GRIK4: variants seen among roughly 807,000 people sequenced by gnomAD.
GRIK4 encodes the protein glutamate receptor ionotropic, kainate 4.
In GRIK4, 40 loss-of-function variants were observed where a neutral mutation model predicts 104.9. That is an observed-to-expected ratio of 0.38 (90% confidence interval 0.30 to 0.50). The LOEUF is 0.50. Ranked by LOEUF, GRIK4 falls within the 20% of genes least tolerant of loss-of-function variation. GRIK4 has a pLI of 0.93. For synonymous variants in GRIK4, 485 were observed against 524.9 expected (o/e 0.92, Z 1.04); for missense variants, 1,047 against 1,308.1 (o/e 0.80, Z 3.08).
chr11:120,917,138 T>TCAG (rs1175405958), intron 13 of GRIK4, among the ~76,000 whole-genome samples: 1 of 148,804 alleles, frequency 6.7e-6, no homozygotes, highest in Admixed American at 6.7e-5. Context: ...TCCCAGCTAC[T>TCAG]CAGGAGGCTG....
chr11:120,568,817 T>C (rs915037468), intron 1 of GRIK4, among the ~76,000 whole-genome samples: 2 of 152,126 alleles, frequency 1.3e-5, no homozygotes, highest in African/African-American at 4.8e-5. Context: ...AATTAACGTG[T>C]CCCTTTTCCC....
At position 120,815,230 on chromosome 11, in the gene GRIK4, T is replaced by C. The variant is rs557064380; in HGVS notation, c.248-148T>C. 4.1e-5 allele frequency: 24 copies of C among 584,184 alleles called. No homozygotes were observed. In the East Asian group the frequency reaches 7.7e-4, roughly 19 times the overall value. 36.2% of individuals were successfully genotyped at this position (584,184 alleles called of 1,614,324 possible). ...TCGTCCAGGGGAGAAGGAGAGACTCTGGGTTTCGAAGGGTTGGAGCAGGGG... is the reference window on the plus strand; with the variant it reads ...TCGTCCAGGGGAGAAGGAGAGACTCCGGGTTTCGAAGGGTTGGAGCAGGGG... On this transcript the variant is annotated intron_variant, in intron 4 of 20. Transcript: ENST00000527524.
chr11:120,945,775 C>T (rs1032751169), intron 14 of GRIK4, among the ~76,000 whole-genome samples: 1 of 152,230 alleles, frequency 6.6e-6, no homozygotes, highest in Admixed American at 6.5e-5. Context: ...GCCTCCTGAA[C>T]TCACTGCTCT....
intron 1 of GRIK4, among the ~76,000 whole-genome samples, chr11:120,540,723 G>A (rs1948024964): frequency 6.6e-6 from 1 of 152,198 alleles, no homozygotes; most frequent in Middle Eastern, 3.2e-3. Flanking sequence ...GAAGCTTCCT[G>A]AGTTATATGC....
In GRIK4 at chr11:120,524,161, A is replaced by C. The variant is rs1314903305; in HGVS notation, c.-159+12274A>C. On this transcript the variant is annotated intron_variant, in intron 1 of 20. Transcript: ENST00000527524. This position sits in a 1 kb window ranked among gnomAD's most constrained non-coding sequence, Gnocchi z 4.5. ...AGGATGGTCTCGATCTCCTGACCTC[A>C]TGATCCACCAGCCTTGACCTCCCAA... Among the ~76,000 whole-genome samples, 1 of 152,154 alleles carries C rather than the reference A, an allele frequency of 6.6e-6. No homozygotes were observed. Among genetic ancestry groups the C allele is most frequent in the African/African-American group, 2.4e-5 (1 of 41,438 alleles).
At chr11:120,660,594 C>G (rs1375163196) in intron 3 of GRIK4, among the ~76,000 whole-genome samples, 194 bp downstream of exon 3, 1 of 152,230 alleles carries the variant, frequency 6.6e-6, no homozygotes, top group Non-Finnish European at 1.5e-5. Flanking sequence ...TCTGGTCAAC[C>G]TGCTGAGCTC....
At chr11:120,644,598 C>T (rs910217777) in intron 1 of GRIK4, among the ~76,000 whole-genome samples, 9 of 152,142 alleles carry the variant, frequency 5.9e-5, no homozygotes, top group African/African-American at 9.7e-5. Context: ...TGCCTCTTTC[C>T]GTGGCCTGAT....
intron 7 of GRIK4, among the ~76,000 whole-genome samples, chr11:120,834,685 T>C (rs1372653535): frequency 6.6e-6 from 1 of 152,182 alleles, no homozygotes; most frequent in Non-Finnish European, 1.5e-5. Flanking sequence ...CCCCTAGAGC[T>C]TGGCAACACT....
At chr11:120,968,430 C>T (rs187271223) in intron 19 of GRIK4, among the ~76,000 whole-genome samples, 169 of 152,220 alleles carry the variant, frequency 1.1e-3, no homozygotes, top group African/African-American at 3.6e-3. Flanking sequence ...ACGCTCTGCC[C>T]GAGGAAGACA....
intron 18 of GRIK4, among the ~76,000 whole-genome samples, chr11:120,965,936 A>G (rs1248140131): frequency 6.6e-6 from 1 of 152,156 alleles, no homozygotes; most frequent in Non-Finnish European, 1.5e-5. Context: ...GTCCACATCC[A>G]GCCTTCATGG....
At chr11:120,904,231 T>C (rs1942814631) in intron 12 of GRIK4, among the ~76,000 whole-genome samples, 1 of 152,166 alleles carries the variant, frequency 6.6e-6, no homozygotes, top group African/African-American at 2.4e-5. Flanking sequence ...AGTGGGTCAC[T>C]TCTGCCTGCG....
intron 3 of GRIK4, among the ~76,000 whole-genome samples, chr11:120,730,063 G>T (rs1182089124): frequency 6.6e-6 from 1 of 152,120 alleles, no homozygotes; most frequent in Non-Finnish European, 1.5e-5. Flanking sequence ...TGTTGAAAAT[G>T]AGTTCACTAG....
chr11:120,817,210 G>A (rs1295099885), intron 5 of GRIK4, among the ~76,000 whole-genome samples: 1 of 151,262 alleles, frequency 6.6e-6, no homozygotes, highest in African/African-American at 2.4e-5. Flanking sequence ...ACTCCAATAT[G>A]GCCTCCTTTT....
At chr11:120,515,909 G>C (rs538840785) in intron 1 of GRIK4, among the ~76,000 whole-genome samples, 47 of 152,292 alleles carry the variant, frequency 3.1e-4, no homozygotes, top group African/African-American at 1.1e-3. Flanking sequence ...AGTCAGTCCA[G>C]CTACCCGGCG....
chr11:120,556,668 C>T (rs1204920056), intron 1 of GRIK4, among the ~76,000 whole-genome samples: 1 of 152,150 alleles, frequency 6.6e-6, no homozygotes, highest in Non-Finnish European at 1.5e-5. Context: ...TGGGAATGGG[C>T]TTAACCCGTC....
At chr11:120,590,510 G>A (rs1291012554) in intron 1 of GRIK4, among the ~76,000 whole-genome samples, 1 of 152,250 alleles carries the variant, frequency 6.6e-6, no homozygotes, top group African/African-American at 2.4e-5. Flanking sequence ...CCGGCTGCTG[G>A]CGTAGCATTG....
intron 8 of GRIK4, among the ~76,000 whole-genome samples, chr11:120,843,422 G>C (rs1037192674): frequency 6.6e-6 from 1 of 152,234 alleles, no homozygotes; most frequent in Non-Finnish European, 1.5e-5. Flanking sequence ...TCAGCAGGAG[G>C]CCTCATTATT....
chr11:120,574,387 GAC>G (rs1368813487), intron 1 of GRIK4, among the ~76,000 whole-genome samples: 1 of 152,218 alleles, frequency 6.6e-6, no homozygotes, highest in Non-Finnish European at 1.5e-5. Flanking sequence ...AGGCTGTGGT[GAC>G]ACCTTACGTA....
chr11:120,673,886 A>C (rs1950059350), intron 3 of GRIK4, among the ~76,000 whole-genome samples: 1 of 152,196 alleles, frequency 6.6e-6, no homozygotes, highest in South Asian at 2.1e-4. Flanking sequence ...CAAAATCTGC[A>C]TGCTGGCAGG....
Sources: gnomAD v4.1 joint callset for allele counts (sites outside exome capture counted in the v4.1 genomes callset) on GRCh38, gnomAD v4.1.1 for gene constraint, Gnocchi (gnomAD v3.1) non-coding constraint, MANE v1.5 for transcripts, NCBI Gene and HGNC (gene_info 2026-07-23, HGNC 2026-07-21) for gene names.